Variants in ZRANB3 observed in about 807,000 individuals in gnomAD.
The protein encoded by ZRANB3 is DNA annealing helicase and endonuclease ZRANB3.
A neutral mutation model predicts 133.8 loss-of-function variants in ZRANB3; 125 were observed. The ratio of observed to expected loss-of-function variants is 0.93; its 90% CI spans 0.81 to 1.08. The LOEUF is 1.08. Ranked by LOEUF, ZRANB3 falls within the 50% of genes least tolerant of loss-of-function variation. ZRANB3 has a pLI of 0.00. For missense variants in ZRANB3, 1,229 were observed against 1,275.5 expected (o/e 0.96, Z 0.56); for synonymous variants, 387 against 432.7 (o/e 0.89, Z 1.31).
At chr2:135,382,020 A>C (rs1257707553) in intron 3 of ZRANB3, among the ~76,000 whole-genome samples, 4 of 152,236 alleles carry the variant, frequency 2.6e-5, no homozygotes, top group African/African-American at 4.8e-5. Flanking sequence ...TGAGAGAAGA[A>C]GGCTTCAGAC....
chr2:135,434,462 T>A (rs566419093), intron 2 of ZRANB3, among the ~76,000 whole-genome samples: 2 of 152,316 alleles, frequency 1.3e-5, no homozygotes, highest in East Asian at 3.9e-4. Flanking sequence ...TTCTGAAACA[T>A]TGGAGAAGGA....
chr2:135,403,480 T>A (rs930214891), intron 2 of ZRANB3, among the ~76,000 whole-genome samples: 15 of 152,216 alleles, frequency 9.9e-5, no homozygotes, highest in African/African-American at 3.6e-4. Flanking sequence ...TGGAGCCCAC[T>A]GCAGCTCAAG....
intron 12 of ZRANB3, among the ~76,000 whole-genome samples, chr2:135,248,508 G>A (rs1371826543): frequency 6.6e-6 from 1 of 152,112 alleles, no homozygotes; most frequent in Non-Finnish European, 1.5e-5. Flanking sequence ...CCTACAGAAA[G>A]GAATAAAGTA....
intron 2 of ZRANB3, among the ~76,000 whole-genome samples, chr2:135,463,057 A>C (rs577616673): frequency 1.3e-5 from 2 of 152,354 alleles, no homozygotes; most frequent in East Asian, 3.9e-4. Context: ...GCTGGATGCA[A>C]TGGCATGAGC....
intron 15 of ZRANB3, among the ~76,000 whole-genome samples, chr2:135,220,068 T>G (rs556569820): frequency 1.2e-3 from 184 of 152,052 alleles, no homozygotes; most frequent in Non-Finnish European, 2.3e-3. Flanking sequence ...AGACAGGTTT[T>G]CAACATGTTG....
intron 6 of ZRANB3, among the ~76,000 whole-genome samples, chr2:135,317,141 ATTT>A (rs1683303523): frequency 6.6e-6 from 1 of 151,924 alleles, no homozygotes. Context: ...CTATATAAAA[ATTT>A]TTAACGGATT....
chr2:135,427,197 C>T (rs1354360496), intron 2 of ZRANB3, among the ~76,000 whole-genome samples: 2 of 151,670 alleles, frequency 1.3e-5, no homozygotes, highest in Admixed American at 6.6e-5. Flanking sequence ...CCACATAATA[C>T]TAGAAGTCCT....
intron 17 of ZRANB3, among the ~76,000 whole-genome samples, chr2:135,212,300 A>G (rs1415283697): frequency 6.6e-6 from 1 of 152,148 alleles, no homozygotes; most frequent in East Asian, 1.9e-4. Flanking sequence ...AATTTCTTCA[A>G]CCATTTTATT....
chr2:135,360,946 T>G (rs1349494101), intron 3 of ZRANB3, among the ~76,000 whole-genome samples: 1 of 151,912 alleles, frequency 6.6e-6, no homozygotes, highest in Non-Finnish European at 1.5e-5. Context: ...TTTGTTTGTT[T>G]GTTTGTTTGT....
At chr2:135,415,760 T>C (rs1688539218) in intron 2 of ZRANB3, among the ~76,000 whole-genome samples, 1 of 152,160 alleles carries the variant, frequency 6.6e-6, no homozygotes, top group Non-Finnish European at 1.5e-5. Context: ...TTACCCACCA[T>C]GATCAAGTGG....
At chr2:135,279,452 C>A (rs957344645) in intron 8 of ZRANB3, among the ~76,000 whole-genome samples, 3 of 152,160 alleles carry the variant, frequency 2.0e-5, no homozygotes, top group African/African-American at 7.2e-5. Flanking sequence ...GTTGTCATGG[C>A]AACTGAACCA....
chr2:135,283,860 T>TA (rs1013716209), intron 8 of ZRANB3, among the ~76,000 whole-genome samples: 3 of 151,788 alleles, frequency 2.0e-5, no homozygotes, highest in Non-Finnish European at 4.4e-5. Context: ...CTCATGCCTG[T>TA]AGTCCCAGCT....
intron 8 of ZRANB3, among the ~76,000 whole-genome samples, chr2:135,293,896 G>A (rs1161009983): frequency 4.0e-5 from 6 of 150,664 alleles, no homozygotes; most frequent in Non-Finnish European, 7.4e-5. Context: ...GCTGGATTAC[G>A]TTTATTGATT....
intron 2 of ZRANB3, among the ~76,000 whole-genome samples, chr2:135,445,153 G>C (rs538670375): frequency 1.3e-5 from 2 of 152,170 alleles, no homozygotes; most frequent in African/African-American, 4.8e-5. Context: ...GTTTTTAAAG[G>C]GAAAAATAGG....
intron 3 of ZRANB3, among the ~76,000 whole-genome samples, chr2:135,375,171 T>G (rs960318932): frequency 2.6e-5 from 4 of 152,082 alleles, no homozygotes; most frequent in African/African-American, 9.7e-5. Context: ...CTTGGCCGGG[T>G]GCAGTGGCTC....
chr2:135,433,965 C>G (rs1401565809), intron 2 of ZRANB3, among the ~76,000 whole-genome samples: 1 of 152,148 alleles, frequency 6.6e-6, no homozygotes, highest in Admixed American at 6.5e-5. Context: ...CCACTGCACT[C>G]CAGCCTGGTG....
chr2:135,263,487 G>A (rs1680065915), intron 12 of ZRANB3, among the ~76,000 whole-genome samples: 1 of 152,070 alleles, frequency 6.6e-6, no homozygotes, highest in Non-Finnish European at 1.5e-5. Flanking sequence ...TAGCCCAGAG[G>A]AACAACAACA....
intron 2 of ZRANB3, among the ~76,000 whole-genome samples, chr2:135,439,308 C>A (rs1243625994): frequency 6.6e-6 from 1 of 152,074 alleles, no homozygotes; most frequent in Non-Finnish European, 1.5e-5. Flanking sequence ...TTCATAACGA[C>A]CTCATTGATC....
chr2:135,426,649 G>A (rs1330781100), intron 2 of ZRANB3, among the ~76,000 whole-genome samples: 1 of 150,544 alleles, frequency 6.6e-6, no homozygotes, highest in Non-Finnish European at 1.5e-5. Flanking sequence ...TTAACATGGT[G>A]AAACTCAATC....
Sources: allele counts gnomAD v4.1 joint callset (sites outside exome capture counted in the v4.1 genomes callset), GRCh38; gene constraint gnomAD v4.1.1; transcripts MANE v1.5; gene names NCBI Gene and HGNC (gene_info 2026-07-23, HGNC 2026-07-21).